The following LRMDA variants were observed in gnomAD, a reference collection of about 807,000 sequenced individuals.
The protein encoded by LRMDA is leucine-rich melanocyte differentiation-associated protein.
LRMDA carries 18 observed loss-of-function variants against 29.8 expected under a neutral mutation model. The ratio of observed to expected loss-of-function variants is 0.60; its 90% CI spans 0.42 to 0.90. The LOEUF (loss-of-function observed/expected upper bound fraction) is 0.90. Among genes scored for constraint, LRMDA ranks in the 40% least tolerant of loss-of-function variants. The pLI, the probability that LRMDA is intolerant of heterozygous loss-of-function variation, is 0.00. For missense variants in LRMDA, 273 were observed against 273.9 expected, an observed-to-expected ratio of 1.00 and a Z score of 0.02; for synonymous variants, 125 against 109.4, an observed-to-expected ratio of 1.14 and a Z score of -0.89.
At chr10:75,560,598 C>T (rs982585163) in intron 2 of LRMDA, among the ~76,000 whole-genome samples, 186 of 151,578 alleles carry the variant, frequency 1.2e-3, no homozygotes, top group Non-Finnish European at 2.2e-3. Flanking sequence ...GAGAGGGCAT[C>T]CTTGTCTTGT....
chr10:76,204,879 A>C (rs1256364623), intron 5 of LRMDA, among the ~76,000 whole-genome samples: 1 of 152,228 alleles, frequency 6.6e-6, no homozygotes, highest in African/African-American at 2.4e-5. Context: ...AAGAATGATG[A>C]ACATTATGAG....
chr10:75,631,571 C>T (rs948745635), intron 2 of LRMDA, among the ~76,000 whole-genome samples: 1 of 152,060 alleles, frequency 6.6e-6, no homozygotes, highest in African/African-American at 2.4e-5. Flanking sequence ...ATTAGCACAG[C>T]TTGGACGGAG....
chr10:75,536,100 C>T (rs1839941684), intron 2 of LRMDA, among the ~76,000 whole-genome samples: 1 of 152,092 alleles, frequency 6.6e-6, no homozygotes, highest in Admixed American at 6.6e-5. Context: ...TGTTCCTCTC[C>T]CACCCAGGCT....
At chr10:76,149,371 T>C (rs1295361878) in intron 5 of LRMDA, among the ~76,000 whole-genome samples, 1 of 152,236 alleles carries the variant, frequency 6.6e-6, no homozygotes. Flanking sequence ...GTCCTAGCTC[T>C]GTAAGTGATT....
At chr10:75,609,391 G>A (rs556713204) in intron 2 of LRMDA, among the ~76,000 whole-genome samples, 13 of 152,222 alleles carry the variant, frequency 8.5e-5, no homozygotes, top group East Asian at 3.9e-4. Flanking sequence ...TGAAAGTGAC[G>A]TTTAAGAAAT....
chr10:76,484,319 A>G (rs961088362), intron 6 of LRMDA, among the ~76,000 whole-genome samples: 3 of 151,574 alleles, frequency 2.0e-5, no homozygotes, highest in Non-Finnish European at 1.5e-5. Context: ...TTGCCTTTCT[A>G]TAGAAATCTT....
At chr10:75,681,982 T>A (rs1842028577) in intron 2 of LRMDA, among the ~76,000 whole-genome samples, 1 of 152,330 alleles carries the variant, frequency 6.6e-6, no homozygotes, top group South Asian at 2.1e-4. Flanking sequence ...TATTGAAGAC[T>A]CTCTTCCAGC....
At chr10:76,544,015 C>T (rs1340959462) in intron 6 of LRMDA, among the ~76,000 whole-genome samples, 1 of 152,168 alleles carries the variant, frequency 6.6e-6, no homozygotes, top group Non-Finnish European at 1.5e-5. Flanking sequence ...GCCCCACCGC[C>T]TGCATTATGA....
At chr10:75,616,804 C>T (rs1841109186) in intron 2 of LRMDA, among the ~76,000 whole-genome samples, 1 of 152,160 alleles carries the variant, frequency 6.6e-6, no homozygotes, top group Non-Finnish European at 1.5e-5. Context: ...TGCTAAGACT[C>T]CATAGAGCAC....
At chr10:75,620,743 T>C (rs1380437867) in intron 2 of LRMDA, among the ~76,000 whole-genome samples, 2 of 152,278 alleles carry the variant, frequency 1.3e-5, no homozygotes, top group Non-Finnish European at 2.9e-5. Flanking sequence ...GAGTTACTCC[T>C]GTAATAATGG....
At chr10:76,296,613 A>G (rs964669291) in intron 5 of LRMDA, among the ~76,000 whole-genome samples, 4 of 152,234 alleles carry the variant, frequency 2.6e-5, no homozygotes, top group African/African-American at 7.2e-5. Flanking sequence ...ATTTTTGCAT[A>G]TGGATCAATG....
intron 5 of LRMDA, among the ~76,000 whole-genome samples, chr10:76,269,454 A>G (rs1260298607): frequency 6.6e-6 from 1 of 152,184 alleles, no homozygotes; most frequent in Non-Finnish European, 1.5e-5. Flanking sequence ...CAGTGCACAT[A>G]TGCTGGTCCA....
At chr10:75,911,647 G>C (rs561927792) in intron 2 of LRMDA, among the ~76,000 whole-genome samples, 17 of 152,312 alleles carry the variant, frequency 1.1e-4, no homozygotes, top group African/African-American at 4.1e-4. Context: ...TCTGATTCAG[G>C]AGTTGGGGTA....
At chr10:75,869,804 G>A (rs555073564) in intron 2 of LRMDA, among the ~76,000 whole-genome samples, 3 of 152,146 alleles carry the variant, frequency 2.0e-5, no homozygotes, top group East Asian at 1.9e-4. Flanking sequence ...ATCCAGGCTC[G>A]CTTTTCTGTC....
intron 6 of LRMDA, among the ~76,000 whole-genome samples, chr10:76,343,813 ATT>A (rs5786231): frequency 3.6e-4 from 45 of 126,612 alleles, no homozygotes; most frequent in Middle Eastern, 4.4e-3. Context: ...TTTACAGGTG[ATT>A]TTTTTTTTTT....
At chr10:75,966,367 A>G (rs1477214104) in intron 2 of LRMDA, among the ~76,000 whole-genome samples, 1 of 152,028 alleles carries the variant, frequency 6.6e-6, no homozygotes, top group Non-Finnish European at 1.5e-5. Flanking sequence ...CTCCTACTTT[A>G]TGGTGTGATT....
intron 6 of LRMDA, among the ~76,000 whole-genome samples, chr10:76,507,064 A>T (rs1228033576): frequency 6.6e-6 from 1 of 152,122 alleles, no homozygotes; most frequent in East Asian, 1.9e-4. Context: ...CACCGTAAGT[A>T]TATGAATGTT....
intron 5 of LRMDA, among the ~76,000 whole-genome samples, chr10:76,060,210 T>G (rs1360014206): frequency 6.6e-6 from 1 of 152,220 alleles, no homozygotes; most frequent in African/African-American, 2.4e-5. Context: ...ATATCTCACC[T>G]TCTTGTATAC....
At position 76,241,076 on chromosome 10, in the gene LRMDA, A is replaced by G. The variant is rs138787257; in HGVS notation, c.517-83325A>G. Among the ~76,000 whole-genome samples, 335 of 152,178 alleles carry G rather than the reference A, an allele frequency of 2.2e-3. 2 individuals carry two copies. Among genetic ancestry groups the G allele is most frequent in the African/African-American group, 7.3e-3 (304 of 41,514 alleles). ...AGCTAAGTTATGAGAATGCAAAGGT[A>G]TAAGAATGATATAATGGACTTTGGG... On this transcript the variant is annotated intron_variant, in intron 5 of 6. Transcript: ENST00000611255.
Sources: allele counts gnomAD v4.1 joint callset (sites outside exome capture counted in the v4.1 genomes callset), GRCh38; gene constraint gnomAD v4.1.1; transcripts MANE v1.5; gene names NCBI Gene and HGNC (gene_info 2026-07-23, HGNC 2026-07-21).